The following PCDHGB2 variants were observed in gnomAD, a reference collection of about 807,000 sequenced individuals.
PCDHGB2 encodes the protein protocadherin gamma-B2.
A neutral mutation model predicts 59.3 loss-of-function variants in PCDHGB2; 55 were observed. The ratio of observed to expected loss-of-function variants is 0.93; its 90% CI spans 0.75 to 1.16. The LOEUF (loss-of-function observed/expected upper bound fraction) is 1.16. Among genes scored for constraint, PCDHGB2 ranks in the 50% most tolerant of loss-of-function variants. PCDHGB2 has a pLI of 0.00. For missense variants in PCDHGB2, 1,228 were observed against 1,198.5 expected, an observed-to-expected ratio of 1.02 and a Z score of -0.36; for synonymous variants, 516 against 512.0, an observed-to-expected ratio of 1.01 and a Z score of -0.11.
intron 1 of PCDHGB2, among the ~76,000 whole-genome samples, chr5:141,463,966 A>C (rs923614502): frequency 4.6e-5 from 7 of 152,196 alleles, no homozygotes; most frequent in African/African-American, 1.7e-4. Context: ...AAATAGCTTC[A>C]TAAAACTCCA....
intron 1 of PCDHGB2, chr5:141,392,819 C>T (rs1346235587): frequency 1.4e-5 from 22 of 1,590,378 alleles, no homozygotes; most frequent in Non-Finnish European, 8.6e-6. Flanking sequence ...CAACAATGGC[C>T]GCTCCACAGA....
At chr5:141,395,186 G>A in intron 1 of PCDHGB2, 1 of 1,614,086 alleles carries the variant, frequency 6.2e-7, no homozygotes, top group Non-Finnish European at 8.5e-7. Flanking sequence ...ATGATTCTTT[G>A]TTAACATCCG....
In PCDHGB2 at chr5:141,360,458, C is replaced by G. The variant is rs532873096; in HGVS notation, c.323C>G (p.Thr108Ser). 9.9e-6 allele frequency: 16 copies of G among 1,613,856 alleles called. No homozygotes were observed. Among genetic ancestry groups the G allele is most frequent in the Non-Finnish European group, 1.4e-5 (16 of 1,179,866 alleles). The stretch of plus-strand genomic sequence containing the variant: ...CCTCTGTGTGTTCTGGATTTCGATA[C>G]TGTCGCTGAAAATCCACTAAATATT... ...KQPLCVLDFD[T>S]VAENPLNIFY... The change falls in exon 1 of 4, where the codon ACT becomes AGT. Residue 108 changes from threonine (T) to serine (S), a missense_variant. By Grantham distance (58) the Thr-to-Ser change is moderately conservative. Around this residue, in one of 3 missense-constraint regions of PCDHGB2, gnomAD observed 781 missense variants for 721.6 expected, o/e 1.08. Coordinates refer to ENST00000522605, the MANE Select transcript of PCDHGB2 (RefSeq NM_018923.3).
At chr5:141,390,019 G>GCCTGCGAC (rs1380063948) in intron 1 of PCDHGB2, 1 of 1,614,002 alleles carries the variant, frequency 6.2e-7, no homozygotes. Context: ...ATTGCCTTGC[G>GCCTGCGAC]CCTGCGACGC....
chr5:141,432,049 G>T lies in PCDHGB2; in HGVS notation c.2422-62758G>T. The T allele has an allele frequency of 7.4e-6, 12 of 1,614,150 alleles. No individual in the cohort carries two copies. Among genetic ancestry groups the T allele is most frequent in the Non-Finnish European group, 1.0e-5 (12 of 1,180,028 alleles). Reference sequence around the variant, plus strand: ...TGACCGCCACTGACCGGGGAACCCCGCCCCTATCCACGGAAACTCATATCT... The same window carrying T: ...TGACCGCCACTGACCGGGGAACCCCTCCCCTATCCACGGAAACTCATATCT... On this transcript the variant is annotated intron_variant, in intron 1 of 3. Coordinates refer to ENST00000522605, the MANE Select transcript of PCDHGB2 (RefSeq NM_018923.3). The surrounding 1 kb of genome is among the most constrained non-coding windows in gnomAD (Gnocchi z 6.0).
At position 141,432,540 on chromosome 5, in the gene PCDHGB2, T is replaced by A. The variant is rs147884705; in HGVS notation, c.2422-62267T>A. 7.6e-4 allele frequency: 1,222 copies of A among 1,613,608 alleles called. 1 individual carries two copies. The highest frequency in any genetic ancestry group is 1.1e-3 in the Admixed American group (64 of 59,988). ...TACCTGGTGACCAAGGTGGTGGCGG[T>A]GGACAGAGACTCCGGCCAGAACGCC... On this transcript the variant is annotated intron_variant, in intron 1 of 3. Transcript: ENST00000522605. This position sits in a 1 kb window ranked among gnomAD's most constrained non-coding sequence, Gnocchi z 6.0.
intron 1 of PCDHGB2, among the ~76,000 whole-genome samples, chr5:141,434,630 A>G (rs2097706465): frequency 6.6e-6 from 1 of 152,106 alleles, no homozygotes; most frequent in African/African-American, 2.4e-5. Flanking sequence ...CGTTTCCCAT[A>G]AGGGATACTT....
At chr5:141,469,674 A>G (rs532726373) in intron 1 of PCDHGB2, among the ~76,000 whole-genome samples, 23 of 152,380 alleles carry the variant, frequency 1.5e-4, no homozygotes, top group Non-Finnish European at 2.2e-4. Flanking sequence ...TAATAAAACT[A>G]CATATGCATT....
rs1014896576 is a variant in PCDHGB2, at chr5:141,512,427, C to T, written c.*1254C>T. 6.5e-6 allele frequency: 1 copy of T among 152,788 alleles called. No individual in the cohort carries two copies. Among genetic ancestry groups the T allele is most frequent in the African/African-American group, 2.4e-5 (1 of 41,460 alleles). The allele number at this position is 152,788 out of a possible 1,614,324, so 9.5% of individuals were successfully genotyped here. A position where few individuals can be genotyped will look rare whatever the true frequency, so the allele number is the denominator to read the frequency against. On this transcript the variant is annotated 3_prime_UTR_variant, in exon 4 of 4. Transcript: ENST00000522605. ...GGGCTTCTTCAACAGGGCCCCTGCC[C>T]TCCTGAAGCCTCAGTCCTTCACCTT...
chr5:141,389,509 C>A, intron 1 of PCDHGB2: 2 of 1,613,118 alleles, frequency 1.2e-6, no homozygotes, highest in Non-Finnish European at 8.5e-7. Flanking sequence ...GCGCTCAGCG[C>A]GAACGTGAGC....
intron 1 of PCDHGB2, chr5:141,423,339 C>T (rs1393650718): frequency 6.2e-7 from 1 of 1,614,072 alleles, no homozygotes; most frequent in Non-Finnish European, 8.5e-7. Flanking sequence ...TCTCCTGCAT[C>T]TTCCTGGTCT....
chr5:141,484,907 C>T, intron 1 of PCDHGB2: 1 of 409,994 alleles, frequency 2.4e-6, no homozygotes, highest in Non-Finnish European at 4.3e-6. Context: ...AATGCTGCGA[C>T]GCATTAACCC....
At chr5:141,390,217 T>C (rs373008153) in intron 1 of PCDHGB2, 21 of 1,613,944 alleles carry the variant, frequency 1.3e-5, no homozygotes, top group Non-Finnish European at 1.8e-5. Flanking sequence ...CAAGACATAC[T>C]TTGCGGTGAT....
intron 1 of PCDHGB2, chr5:141,375,578 G>A (rs2150062565): frequency 1.9e-6 from 3 of 1,614,062 alleles, no homozygotes; most frequent in Non-Finnish European, 2.5e-6. Context: ...CCTCCAGGGG[G>A]CGCCCCTGTC....
rs141095222 is a variant in PCDHGB2, at chr5:141,496,668, C to T, written c.2480+1803C>T. Reference sequence around the variant, plus strand: ...CCCTTCCTTTGACCCCAGCTGTTGTCCTTCTCCCTGCTGGCCTTGCCAACC... The same window carrying T: ...CCCTTCCTTTGACCCCAGCTGTTGTTCTTCTCCCTGCTGGCCTTGCCAACC... On this transcript the variant is annotated intron_variant, in intron 2 of 3. Coordinates refer to ENST00000522605, the MANE Select transcript of PCDHGB2 (RefSeq NM_018923.3). Among the ~76,000 whole-genome samples the T allele has an allele frequency of 1.3e-3, 204 of 152,328 alleles. 1 individual carries two copies. The highest frequency in any genetic ancestry group is 5.6e-3 in the Admixed American group (85 of 15,298).
intron 1 of PCDHGB2, chr5:141,428,334 C>T: frequency 1.6e-6 from 1 of 618,848 alleles, no homozygotes; most frequent in Non-Finnish European, 2.9e-6. Flanking sequence ...TTTCTATGCT[C>T]TTCTTCCTCG....
intron 1 of PCDHGB2, chr5:141,399,309 CA>C: frequency 6.2e-7 from 1 of 1,613,902 alleles, no homozygotes; most frequent in Non-Finnish European, 8.5e-7. Flanking sequence ...TCTCTTCATC[CA>C]AAAATTCGTA....
chr5:141,451,582 T>C (rs1361047985), intron 1 of PCDHGB2, among the ~76,000 whole-genome samples: 1 of 152,012 alleles, frequency 6.6e-6, no homozygotes, highest in Non-Finnish European at 1.5e-5. Flanking sequence ...TAAACCTAAT[T>C]TTGAAAGTGA....
intron 1 of PCDHGB2, chr5:141,478,753 G>A (rs2099475642): frequency 2.0e-6 from 3 of 1,519,424 alleles, no homozygotes; most frequent in Admixed American, 2.1e-5. Context: ...ATTTCAGGGG[G>A]AAGATACTTG....
Sources: gnomAD v4.1 joint callset for allele counts (sites outside exome capture counted in the v4.1 genomes callset) on GRCh38, gnomAD v4.1.1 for gene constraint, gnomAD v4.1.1 regional missense constraint, Gnocchi (gnomAD v3.1) non-coding constraint, MANE v1.5 for transcripts, NCBI Gene and HGNC (gene_info 2026-07-23, HGNC 2026-07-21) for gene names.